RASGRP1: variants seen among roughly 807,000 people sequenced by gnomAD.
RASGRP1 encodes the protein RAS guanyl-releasing protein 1.
RASGRP1 carries 37 observed loss-of-function variants against 95.1 expected under a neutral mutation model. The observed-to-expected ratio is 0.39, with a 90% CI of 0.30 to 0.51. The LOEUF is 0.51. Ranked by LOEUF, RASGRP1 falls within the 20% of genes least tolerant of loss-of-function variation. The pLI is 0.80. For synonymous variants in RASGRP1, 325 were observed against 353.4 expected, an observed-to-expected ratio of 0.92 and a Z score of 0.90; for missense variants, 711 against 965.4, an observed-to-expected ratio of 0.74 and a Z score of 3.49.
At chr15:38,539,635 T>C (rs1271638181) in intron 2 of RASGRP1, among the ~76,000 whole-genome samples, 3 of 151,268 alleles carry the variant, frequency 2.0e-5, no homozygotes, top group Admixed American at 2.0e-4. Context: ...GTTAGTTACA[T>C]ATGTATACAT....
At chr15:38,517,019 C>T (rs1365079272) in intron 5 of RASGRP1, among the ~76,000 whole-genome samples, 2 of 152,068 alleles carry the variant, frequency 1.3e-5, no homozygotes, top group African/African-American at 2.4e-5. Context: ...CAAAGGGAAG[C>T]GGCCCCATTT....
chr15:38,509,407 G>T (rs1891405818), intron 8 of RASGRP1, among the ~76,000 whole-genome samples: 1 of 152,170 alleles, frequency 6.6e-6, no homozygotes, highest in Admixed American at 6.6e-5. Context: ...ATTTCATCAT[G>T]CTACTCAGCA....
intron 15 of RASGRP1, among the ~76,000 whole-genome samples, chr15:38,496,858 T>C (rs549484211): frequency 1.3e-4 from 20 of 152,244 alleles, no homozygotes; most frequent in Non-Finnish European, 1.0e-4. Flanking sequence ...AATAAATGCA[T>C]GTGGATATTT....
rs139469089 is a variant in RASGRP1, at chr15:38,549,429, C to T, written c.220+10392G>A. On this transcript the variant is annotated intron_variant, in intron 2 of 16. Transcript: ENST00000310803. ...GGCTTCCTGAATATTGTGGGTTCCC[C>T]CTTAAAATGAGGCTGTTCACAAGAT... Among the ~76,000 whole-genome samples the T allele has an allele frequency of 3.5e-3, 536 of 152,260 alleles. 5 individuals are homozygous for T. Among genetic ancestry groups the T allele is most frequent in the African/African-American group, 0.012 (510 of 41,542 alleles).
At chr15:38,503,625 C>T (rs1891130994) in intron 10 of RASGRP1, 2 of 503,434 alleles carry the variant, frequency 4.0e-6, no homozygotes, top group Non-Finnish European at 7.0e-6. Flanking sequence ...TTGAAATTCT[C>T]AATCTGCCTG....
At chr15:38,535,623 C>T (rs1355776019) in intron 2 of RASGRP1, among the ~76,000 whole-genome samples, 2 of 152,214 alleles carry the variant, frequency 1.3e-5, no homozygotes, top group African/African-American at 4.8e-5. Flanking sequence ...GCACTCTCTA[C>T]TGCCTCAGCC....
chr15:38,538,900 C>T (rs758886832), intron 2 of RASGRP1, among the ~76,000 whole-genome samples: 14 of 152,306 alleles, frequency 9.2e-5, no homozygotes, highest in African/African-American at 2.4e-4. Flanking sequence ...CAAATAGTTA[C>T]GGTGCCTGAC....
intron 2 of RASGRP1, among the ~76,000 whole-genome samples, chr15:38,555,598 G>A (rs1478709004): frequency 6.6e-6 from 1 of 152,200 alleles, no homozygotes; most frequent in African/African-American, 2.4e-5. Flanking sequence ...TCTTGAGACT[G>A]GGGGCACAAG....
chr15:38,520,526 C>T (rs949573267), intron 3 of RASGRP1, among the ~76,000 whole-genome samples: 1 of 152,086 alleles, frequency 6.6e-6, no homozygotes, highest in Admixed American at 6.6e-5. Context: ...AGAATGATAG[C>T]CTTGAAACTT....
intron 2 of RASGRP1, among the ~76,000 whole-genome samples, chr15:38,536,489 C>G (rs1036721124): frequency 6.6e-6 from 1 of 152,236 alleles, no homozygotes; most frequent in African/African-American, 2.4e-5. Context: ...TATTTTCAGA[C>G]ATGCCCAATA....
chr15:38,506,561 G>T (rs1436807200), intron 9 of RASGRP1, among the ~76,000 whole-genome samples: 1 of 145,556 alleles, frequency 6.9e-6, no homozygotes, highest in African/African-American at 2.5e-5. Flanking sequence ...CTTGGACCTG[G>T]AAGATAGAGG....
At chr15:38,564,466 C>A (rs1478921679) in intron 1 of RASGRP1, 128 bp downstream of exon 1, 2 of 926,840 alleles carry the variant, frequency 2.2e-6, no homozygotes, top group South Asian at 5.1e-5. Flanking sequence ...GCTGGTGTCC[C>A]GGGACTCCGG....
chr15:38,531,473 C>G (rs572997311), intron 2 of RASGRP1, among the ~76,000 whole-genome samples: 53 of 152,338 alleles, frequency 3.5e-4, no homozygotes, highest in Non-Finnish European at 6.9e-4. Flanking sequence ...CTGGTGATTT[C>G]TGAAAAACTC....
chr15:38,539,457 G>A (rs1030689298), intron 2 of RASGRP1, among the ~76,000 whole-genome samples: 1 of 151,942 alleles, frequency 6.6e-6, no homozygotes, highest in East Asian at 1.9e-4. Context: ...CCACAGCTAG[G>A]AAGTAGCAAG....
intron 2 of RASGRP1, among the ~76,000 whole-genome samples, chr15:38,530,824 A>G (rs1892404924): frequency 6.6e-6 from 1 of 152,214 alleles, no homozygotes; most frequent in Non-Finnish European, 1.5e-5. Context: ...CCATGAAGAA[A>G]ACTTGGGGAA....
intron 3 of RASGRP1, among the ~76,000 whole-genome samples, chr15:38,519,741 G>GA (rs1316460182): frequency 1.2e-4 from 18 of 151,710 alleles, no homozygotes; most frequent in Non-Finnish European, 2.4e-4. Flanking sequence ...CCCTATGAAG[G>GA]AAAAATGAAG....
At chr15:38,542,745 C>G (rs1330128384) in intron 2 of RASGRP1, among the ~76,000 whole-genome samples, 1 of 150,782 alleles carries the variant, frequency 6.6e-6, no homozygotes, top group African/African-American at 2.4e-5. Context: ...CAGAGGGTCC[C>G]AATAATGGCA....
chr15:38,537,038 T>G (rs1361376548), intron 2 of RASGRP1, among the ~76,000 whole-genome samples: 1 of 152,220 alleles, frequency 6.6e-6, no homozygotes, highest in Non-Finnish European at 1.5e-5. Flanking sequence ...ATTTTGTTTT[T>G]TTTTCCTTTG....
intron 3 of RASGRP1, among the ~76,000 whole-genome samples, chr15:38,526,012 T>G (rs905189245): frequency 6.6e-6 from 1 of 152,160 alleles, no homozygotes; most frequent in African/African-American, 2.4e-5. Context: ...TTTTGCACAC[T>G]CTACAGAAAA....
Sources: gnomAD v4.1 joint callset for allele counts (sites outside exome capture counted in the v4.1 genomes callset) on GRCh38, gnomAD v4.1.1 for gene constraint, MANE v1.5 for transcripts, NCBI Gene and HGNC (gene_info 2026-07-23, HGNC 2026-07-21) for gene names.